The following MGA variants were observed in gnomAD, a reference collection of about 807,000 sequenced individuals.
MGA encodes MAX gene-associated protein.
MGA carries 40 observed loss-of-function variants against 261.1 expected under a neutral mutation model. The observed-to-expected ratio is 0.15, with a 90% CI of 0.12 to 0.20. The LOEUF (loss-of-function observed/expected upper bound fraction) is 0.20. MGA is among the 10% of genes least tolerant of loss of function. The pLI is 1.00. For synonymous variants in MGA, 1,302 were observed against 1,290.6 expected, an observed-to-expected ratio of 1.01 and a Z score of -0.19; for missense variants, 3,397 against 3,630.5, an observed-to-expected ratio of 0.94 and a Z score of 1.65.
intron 23 of MGA, 32 bp from the exon 24 acceptor site, chr15:41,765,972 G>T: frequency 6.4e-7 from 1 of 1,569,860 alleles, no homozygotes; most frequent in South Asian, 1.2e-5. Context: ...AGATCTAAAT[G>T]AATTTTTCTT....
At chr15:41,654,391 T>C (rs1003063482) in intron 1 of MGA, among the ~76,000 whole-genome samples, 1 of 152,198 alleles carries the variant, frequency 6.6e-6, no homozygotes, top group African/African-American at 2.4e-5. Context: ...AAAAAAATCA[T>C]AGTAATAATA....
At chr15:41,662,088 C>T (rs966084826) in intron 1 of MGA, among the ~76,000 whole-genome samples, 1 of 152,118 alleles carries the variant, frequency 6.6e-6, no homozygotes, top group South Asian at 2.1e-4. Context: ...TTTTACTTTC[C>T]TGCGTATCGG....
chr15:41,638,170 A>G (rs1305037540), intron 1 of MGA, among the ~76,000 whole-genome samples: 1 of 143,028 alleles, frequency 7.0e-6, no homozygotes, highest in African/African-American at 2.6e-5. Context: ...AGTCTCCTGA[A>G]TAGCTGGAAC....
rs1402589678 is a variant in MGA at position 41,709,565 on chromosome 15, C to T, written c.2426-1126C>T. 2.0e-5 allele frequency among the ~76,000 whole-genome samples: 3 copies of T among 152,020 alleles called. No individual in the cohort carries two copies. The South Asian group carries it at 6.2e-4, about 32-fold the overall frequency. On this transcript the variant is annotated intron_variant, in intron 7 of 23. Coordinates refer to ENST00000219905, the MANE Select transcript of MGA (RefSeq NM_001164273.2). ...GCTCAAGTGATTCTCCCTGCTCAGC[C>T]TCCAGAATAGCTGTGACCACAGGTG... is the stretch of plus-strand genomic sequence containing the variant.
chr15:41,696,974 C>T lies in MGA; in HGVS notation c.1964C>T (p.Pro655Leu). Residue 655 changes from proline (P) to leucine (L), a missense_variant, in exon 3 of 24, where the codon CCT (proline) becomes CTT (leucine). By Grantham distance (98) the Pro-to-Leu change is moderately conservative (BLOSUM62 -3). Coordinates refer to ENST00000219905, the MANE Select transcript of MGA (RefSeq NM_001164273.2). ...GGGAGTACCTTTCCAGATGTGAAGC[C>T]TGATCTGGAAGATGTGGATGGTGTT... is the stretch of plus-strand genomic sequence containing the variant. 1 of 1,597,296 alleles carries T rather than the reference C, an allele frequency of 6.3e-7. No homozygotes were observed. Among genetic ancestry groups the T allele is most frequent in the Non-Finnish European group, 8.5e-7 (1 of 1,172,678 alleles).
chr15:41,754,916 A>G (rs2063057480), intron 18 of MGA, among the ~76,000 whole-genome samples: 1 of 152,178 alleles, frequency 6.6e-6, no homozygotes, highest in South Asian at 2.1e-4. Context: ...CCCCATTTGA[A>G]GTGTTAAATG....
rs1404157637 is a variant in MGA at position 41,709,804 on chromosome 15, CCT to C, written c.2426-886_2426-885del. On this transcript the variant is annotated intron_variant, in intron 7 of 23. Coordinates refer to ENST00000219905, the MANE Select transcript of MGA (RefSeq NM_001164273.2). ...TTAATTTCTTTTTTTTTTTTTTTCC[CCT>C]GTTATGTGTTTTTCTTTTCTTTTCT... Among the ~76,000 whole-genome samples, 5 of 149,474 alleles carry C rather than the reference CCT, an allele frequency of 3.3e-5. No individual in the cohort carries two copies. The East Asian group carries it at 7.8e-4, about 23-fold the overall frequency.
upstream of MGA, among the ~76,000 whole-genome samples, chr15:41,659,032 C>G (rs1225673035): frequency 6.6e-6 from 1 of 152,114 alleles, no homozygotes; most frequent in Non-Finnish European, 1.5e-5. Context: ...GACAGGGCAG[C>G]TTGTAGGAAA....
chr15:41,754,210 C>G (rs537877670), intron 17 of MGA, among the ~76,000 whole-genome samples: 2 of 152,264 alleles, frequency 1.3e-5, no homozygotes, highest in South Asian at 2.1e-4. Flanking sequence ...TGAGCCACCA[C>G]GGCTCACATA....
rs151171864 is a variant in MGA, at chr15:41,645,464, A to T, written c.-67-23364A>T. Reference sequence around the variant, plus strand: ...TAGCTGGGCGTGGCATGTGCCTGTAATCCCAGTTACTCGGGAGACTGAGGA... The same window carrying T: ...TAGCTGGGCGTGGCATGTGCCTGTATTCCCAGTTACTCGGGAGACTGAGGA... On this transcript the variant is annotated intron_variant, in intron 1 of 8. Coordinates refer to the MGA transcript ENST00000566718. Among the ~76,000 whole-genome samples, 214 of 152,296 alleles carry T rather than the reference A, an allele frequency of 1.4e-3. 1 individual carries two copies. Among genetic ancestry groups the T allele is most frequent in the African/African-American group, 4.6e-3 (192 of 41,558 alleles).
At chr15:41,729,067 T>A in intron 10 of MGA, 97 bp from the exon 11 acceptor site, 1 of 1,268,774 alleles carries the variant, frequency 7.9e-7, no homozygotes. Context: ...AAATTTCGAC[T>A]GTTGTAATAC....
At chr15:41,654,077 C>CTT in intron 1 of MGA, among the ~76,000 whole-genome samples, 1 of 2,506 alleles carries the variant, frequency 4.0e-4, no homozygotes, top group Non-Finnish European at 1.5e-3. Context: ...TGGCTAATAT[C>CTT]CTCTTCTGTA....
chr15:41,721,692 A>C (rs566038855), intron 9 of MGA, among the ~76,000 whole-genome samples: 109 of 152,318 alleles, frequency 7.2e-4, no homozygotes, highest in African/African-American at 2.5e-3. Context: ...TATCATTACA[A>C]GCCTCTACTA....
In MGA at chr15:41,725,841, AAAAAAAAAAAAAAAATAAAT is replaced by A. The variant is rs1347407929; in HGVS notation, c.3431-1335_3431-1316del. On this transcript the variant is annotated intron_variant, in intron 9 of 23. Transcript: ENST00000219905. ...CAGAGCGAGACTCCGTCTCAAAAAA[AAAAAAAAAAAAAAAATAAAT>A]AAATAAATAAATAAATAAGTAAACC... 4.3e-4 allele frequency among the ~76,000 whole-genome samples: 3 copies of A among 7,046 alleles called. 1 individual carries two copies. Among genetic ancestry groups the A allele is most frequent in the African/African-American group, 7.3e-4 (3 of 4,106 alleles). The allele number at this position is 7,046 out of a possible 152,430, so 4.6% of individuals were successfully genotyped here. A position where few individuals can be genotyped will look rare whatever the true frequency, so the allele number is the denominator to read the frequency against.
intron 2 of MGA, among the ~76,000 whole-genome samples, chr15:41,695,335 T>C (rs751172007): frequency 9.9e-5 from 15 of 152,128 alleles, no homozygotes; most frequent in Admixed American, 2.6e-4. Flanking sequence ...ACTACTGGCA[T>C]GTGCTACCAC....
chr15:41,708,273 G>T (rs2060215457), intron 7 of MGA, 65 bp downstream of exon 7: 1 of 1,149,026 alleles, frequency 8.7e-7, no homozygotes, highest in Non-Finnish European at 1.2e-6. Context: ...TTTGTTAAAA[G>T]TAAGTCTTGG....
chr15:41,761,834 A>T lies in MGA; in HGVS notation c.7494A>T (p.Lys2498Asn). 6.3e-7 allele frequency: 1 copy of T among 1,577,576 alleles called. No homozygotes were observed. The highest frequency in any genetic ancestry group is 8.6e-7 in the Non-Finnish European group (1 of 1,157,800). The change falls in exon 21 of 24, where the codon AAA becomes AAT. Residue 2498 changes from lysine (K) to asparagine (N), a missense_variant. Physicochemically the swap from Lys to Asn is moderately conservative, Grantham distance 94. This residue lies in a region of MGA where 50 missense variants were observed against 121.5 expected (regional missense o/e 0.41). Transcript: ENST00000219905. The stretch of plus-strand genomic sequence containing the variant: ...GAAAACGGAATATTCTGATACGGAA[A>T]GTATCGTCTCTTTCAGGTGAGATAA...
intron 1 of MGA, among the ~76,000 whole-genome samples, chr15:41,632,012 G>C (rs1428731800): frequency 6.6e-6 from 1 of 152,074 alleles, no homozygotes; most frequent in Non-Finnish European, 1.5e-5. Flanking sequence ...GCTTTGCATA[G>C]TAAATGGAAT....
chr15:41,759,438 A>G (rs980033445), intron 19 of MGA, among the ~76,000 whole-genome samples: 20 of 134,788 alleles, frequency 1.5e-4, no homozygotes, highest in African/African-American at 4.6e-4. Context: ...GCTTCTTAAT[A>G]TGTGTGTGTG....
Sources: gnomAD v4.1 joint callset for allele counts (sites outside exome capture counted in the v4.1 genomes callset) on GRCh38, gnomAD v4.1.1 for gene constraint, gnomAD v4.1.1 regional missense constraint, MANE v1.5 for transcripts, NCBI Gene and HGNC (gene_info 2026-07-23, HGNC 2026-07-21) for gene names.